The following TMEM267 variants were observed in gnomAD, a reference collection of about 807,000 sequenced individuals.
TMEM267 encodes transmembrane protein 267.
Under a neutral mutation model 19.3 loss-of-function variants are expected in TMEM267, and 20 were observed. That is an observed-to-expected ratio of 1.04 (90% CI 0.73 to 1.51). The LOEUF (loss-of-function observed/expected upper bound fraction) is 1.51. TMEM267 is among the 40% of genes most tolerant of loss of function. TMEM267 has a pLI of 0.00. For missense variants in TMEM267, 242 were observed against 261.9 expected (o/e 0.92, Z 0.52); for synonymous variants, 88 against 90.3 (o/e 0.97, Z 0.15).
intron 1 of TMEM267, among the ~76,000 whole-genome samples, chr5:43,458,910 C>G (rs1179092331): frequency 1.3e-5 from 2 of 151,452 alleles, no homozygotes; most frequent in African/African-American, 4.9e-5. Flanking sequence ...AATAATTTTT[C>G]CAAAGCTTAA....
At chr5:43,467,136 G>C (rs1269647481) in intron 1 of TMEM267, among the ~76,000 whole-genome samples, 1 of 110,770 alleles carries the variant, frequency 9.0e-6, no homozygotes, top group Non-Finnish European at 1.7e-5. Flanking sequence ...GCAACAGAGA[G>C]AGACTCTGTC....
chr5:43,472,557 A>G (rs930466377), intron 1 of TMEM267, among the ~76,000 whole-genome samples: 3 of 152,244 alleles, frequency 2.0e-5, no homozygotes, highest in Non-Finnish European at 4.4e-5. Context: ...CTATCAACAT[A>G]TGAATGGATA....
intron 1 of TMEM267, among the ~76,000 whole-genome samples, chr5:43,464,762 G>A (rs1396150277): frequency 2.0e-5 from 3 of 152,196 alleles, no homozygotes; most frequent in South Asian, 4.1e-4. Flanking sequence ...TATGTAGAAA[G>A]CTGAAACTGG....
rs925749351 is a variant in TMEM267, at chr5:43,445,772, C to A, written c.*450G>T. 1.3e-5 allele frequency: 2 copies of A among 152,412 alleles called. No homozygotes were observed. Among genetic ancestry groups the A allele is most frequent in the African/African-American group, 4.8e-5 (2 of 41,406 alleles). 9.4% of individuals were successfully genotyped at this position (152,412 alleles called of 1,614,324 possible). On this transcript the variant is annotated 3_prime_UTR_variant, in exon 3 of 3. Coordinates refer to ENST00000397080, the MANE Select transcript of TMEM267 (RefSeq NM_022483.5). ...ATTTGTATAGTTAAATGATTCATAT[C>A]ATTTATTTGGTGATTTCACTATTTC...
At chr5:43,482,939 G>C (rs1744877210) in intron 1 of TMEM267, among the ~76,000 whole-genome samples, 1 of 151,940 alleles carries the variant, frequency 6.6e-6, no homozygotes, top group Non-Finnish European at 1.5e-5. Flanking sequence ...CTCTAAGTAA[G>C]TGTCATCTGT....
At chr5:43,454,175 TATATA>T in intron 1 of TMEM267, 132 bp from the exon 2 acceptor site, 1 of 561,430 alleles carries the variant, frequency 1.8e-6, no homozygotes, top group Non-Finnish European at 3.0e-6. Flanking sequence ...TTACATGTTA[TATATA>T]ATATGTCACA....
intron 1 of TMEM267, among the ~76,000 whole-genome samples, chr5:43,459,491 A>G (rs954258371): frequency 7.9e-5 from 12 of 152,306 alleles, no homozygotes; most frequent in Admixed American, 6.5e-4. Flanking sequence ...ACCTCAAACA[A>G]AAAGTCTTCA....
At chr5:43,470,850 G>A (rs928690761) in intron 1 of TMEM267, among the ~76,000 whole-genome samples, 5 of 151,972 alleles carry the variant, frequency 3.3e-5, no homozygotes, top group South Asian at 2.1e-4. Context: ...ACCTAAAGAC[G>A]CGACAAGAAA....
intron 1 of TMEM267, among the ~76,000 whole-genome samples, chr5:43,473,139 C>CAAAAAAAAAAAAAAAAAAAAAAA (rs71610311): frequency 1.2e-5 from 1 of 84,508 alleles, no homozygotes; most frequent in Non-Finnish European, 2.2e-5. Context: ...CTCCGTGTCA[C>CAAAAAAAAAAAAAAAAAAAAAAA]AAAAAAAAAA....
At chr5:43,477,242 A>G (rs74826072) in intron 1 of TMEM267, among the ~76,000 whole-genome samples, 1,530 of 152,166 alleles carry the variant, frequency 0.01, 14 homozygotes, top group Non-Finnish European at 0.012. Context: ...CAGACTTGTC[A>G]GGTTTTGAAA....
chr5:43,470,987 A>T (rs1380729899), intron 1 of TMEM267, among the ~76,000 whole-genome samples: 1 of 152,196 alleles, frequency 6.6e-6, no homozygotes, highest in Non-Finnish European at 1.5e-5. Context: ...AAGATCAATG[A>T]AACACAAGGT....
intron 1 of TMEM267, among the ~76,000 whole-genome samples, chr5:43,482,597 T>C (rs975476762): frequency 2.6e-5 from 4 of 152,210 alleles, no homozygotes; most frequent in African/African-American, 7.2e-5. Context: ...ATTTTACTAA[T>C]ACAAGAGATA....
intron 1 of TMEM267, among the ~76,000 whole-genome samples, chr5:43,461,255 C>T (rs1401518057): frequency 2.0e-5 from 3 of 152,128 alleles, no homozygotes; most frequent in South Asian, 2.1e-4. Context: ...AACTGAAGAG[C>T]CCTTGGGACC....
chr5:43,448,039 CA>C (rs1742361439), intron 2 of TMEM267, among the ~76,000 whole-genome samples: 1 of 152,096 alleles, frequency 6.6e-6, no homozygotes, highest in African/African-American at 2.4e-5. Flanking sequence ...AAAACACAAA[CA>C]AAAATCAGAC....
intron 1 of TMEM267, among the ~76,000 whole-genome samples, chr5:43,482,782 T>C (rs1744866662): frequency 6.6e-6 from 1 of 152,194 alleles, no homozygotes; most frequent in African/African-American, 2.4e-5. Context: ...TTTGGGGCCT[T>C]CAGAGTATAC....
chr5:43,453,796 A>T lies in TMEM267; in HGVS notation c.174T>A (p.Cys58Ter), dbSNP rs747932144. The T allele has an allele frequency of 2.2e-5, 36 of 1,614,012 alleles. No individual in the cohort carries two copies. The highest frequency in any genetic ancestry group is 1.6e-4 in the Middle Eastern group (1 of 6,082). Residue 58 changes from cysteine (C) to a stop codon, truncating the protein, a stop_gained, in exon 2 of 3, where the codon TGT (cysteine) becomes TGA (stop). Transcript: ENST00000397080. LOFTEE classifies it high-confidence loss of function. The stretch of plus-strand genomic sequence containing the variant: ...CCGCCCATGACCACATGCCAATTAC[A>T]CAATGTACTGCATTATCTGAGAGAG... The part of the protein sequence containing the change: ...LRALSDNAVH[C>*]VIGMWSWAVV...
At chr5:43,475,898 A>T (rs1175157850) in intron 1 of TMEM267, among the ~76,000 whole-genome samples, 1 of 152,238 alleles carries the variant, frequency 6.6e-6, no homozygotes, top group Admixed American at 6.5e-5. Context: ...AAGATCAGTT[A>T]ACTAGAGCTC....
chr5:43,477,775 T>C (rs937237802), intron 1 of TMEM267, among the ~76,000 whole-genome samples: 2 of 152,212 alleles, frequency 1.3e-5, no homozygotes, highest in African/African-American at 4.8e-5. Context: ...TTGCTCTCAA[T>C]ACAAAATTCG....
chr5:43,454,108 A>AAC, intron 1 of TMEM267, 65 bp from the exon 2 acceptor site: 1 of 1,120,990 alleles, frequency 8.9e-7, no homozygotes, highest in East Asian at 2.6e-5. Context: ...ATTTAAACAA[A>AAC]ACAGTATCAG....
Sources: allele counts gnomAD v4.1 joint callset (sites outside exome capture counted in the v4.1 genomes callset), GRCh38; gene constraint gnomAD v4.1.1; transcripts MANE v1.5; gene names NCBI Gene and HGNC (gene_info 2026-07-23, HGNC 2026-07-21).